PJA2: variants seen among roughly 807,000 people sequenced by gnomAD.
PJA2 encodes praja ring finger ubiquitin ligase 2.
A neutral mutation model predicts 69.3 loss-of-function variants in PJA2; 25 were observed. The ratio of observed to expected loss-of-function variants is 0.36; its 90% CI spans 0.26 to 0.50. PJA2 has a LOEUF of 0.50. Among genes scored for constraint, PJA2 ranks in the 20% least tolerant of loss-of-function variants. The probability of loss-of-function intolerance (pLI) is 0.96; values close to 1 mark genes in which losing one functional copy is unlikely to be tolerated. For missense variants in PJA2, 809 were observed against 830.2 expected (o/e 0.97, Z 0.31); for synonymous variants, 308 against 277.8 (o/e 1.11, Z -1.08).
chr5:109,345,379 T>C lies in PJA2; in HGVS notation c.1765-560A>G, dbSNP rs574881265. 2.7e-5 allele frequency among the ~76,000 whole-genome samples: 4 copies of C among 149,818 alleles called. No individual in the cohort carries two copies. The East Asian group carries it at 7.9e-4, about 29-fold the overall frequency. ...CTCAAAAAAAAAAAAAAGCAGGTCG[T>C]GGTAGTGTGTGCCTATAATCCCAGC... On this transcript the variant is annotated intron_variant, in intron 7 of 9. Coordinates refer to ENST00000361189, the MANE Select transcript of PJA2 (RefSeq NM_014819.5).
rs145633251 is a variant in PJA2 at position 109,368,635 on chromosome 5, A to T, written c.1395T>A (p.Asp465Glu). Residue 465 changes from aspartate to glutamate, a missense_variant, in exon 5 of 10, where the codon GAT becomes GAA. By Grantham distance (45) the Asp-to-Glu change is conservative. This residue lies in a region of PJA2 where 700 missense variants were observed against 639.5 expected (regional missense o/e 1.09). Transcript: ENST00000361189. ...CACTTTGTAGCTCAGGTTCATTCTC[A>T]TCTTTTCCTGGCAGAGTCTCCCAGC... ...DESWETLPGK[D>E]ENEPELQSDS... 3.3e-4 allele frequency: 529 copies of T among 1,613,954 alleles called. No individual in the cohort carries two copies. The highest frequency in any genetic ancestry group is 4.2e-4 in the Non-Finnish European group (496 of 1,180,006).
At chr5:109,351,686 T>C (rs1404911794) in intron 7 of PJA2, among the ~76,000 whole-genome samples, 1 of 151,978 alleles carries the variant, frequency 6.6e-6, no homozygotes, top group Non-Finnish European at 1.5e-5. Flanking sequence ...AGGAGACAAA[T>C]ACATACTGCC....
chr5:109,344,059 T>C (rs1169893242), intron 9 of PJA2, 131 bp downstream of exon 9: 1 of 597,390 alleles, frequency 1.7e-6, no homozygotes, highest in Non-Finnish European at 2.6e-6. Flanking sequence ...ATCGAACCAC[T>C]GCACTCCAGC....
At chr5:109,396,338 G>A (rs1262450180) in intron 1 of PJA2, among the ~76,000 whole-genome samples, 3 of 151,342 alleles carry the variant, frequency 2.0e-5, no homozygotes, top group East Asian at 1.9e-4. Flanking sequence ...CAAAAGGTAC[G>A]GCAAAATTAT....
rs181225175 is a variant in PJA2 at position 109,389,765 on chromosome 5, G to A, written c.-87-6245C>T. Among the ~76,000 whole-genome samples, 7 of 151,952 alleles carry A rather than the reference G, an allele frequency of 4.6e-5. No individual in the cohort carries two copies. In the East Asian group the frequency reaches 9.6e-4, roughly 21 times the overall value. On this transcript the variant is annotated intron_variant, in intron 1 of 9. Transcript: ENST00000361189. ...AAAGTTACCTCTAAGCATTGCTTCA[G>A]CTGTATTCCAAAAGTTCTGATACGT...
At chr5:109,340,468 C>T (rs1039334128) in intron 9 of PJA2, among the ~76,000 whole-genome samples, 15 of 151,582 alleles carry the variant, frequency 9.9e-5, no homozygotes, top group African/African-American at 3.6e-4. Context: ...GAGTTGTATT[C>T]CTAAGTAGAT....
chr5:109,405,518 T>C (rs924459410), intron 1 of PJA2, among the ~76,000 whole-genome samples: 4 of 152,114 alleles, frequency 2.6e-5, no homozygotes, highest in Non-Finnish European at 4.4e-5. Flanking sequence ...TACTTATAAG[T>C]AAAAATAACC....
intron 1 of PJA2, among the ~76,000 whole-genome samples, chr5:109,401,373 T>A (rs547715052): frequency 6.6e-6 from 1 of 152,098 alleles, no homozygotes. Flanking sequence ...GGTGGGAGAA[T>A]TGCTTGAGTC....
chr5:109,342,049 T>G (rs1351770018), intron 9 of PJA2, among the ~76,000 whole-genome samples: 2 of 100,980 alleles, frequency 2.0e-5, no homozygotes, highest in Admixed American at 9.4e-5. Flanking sequence ...GGGAGGGAGG[T>G]GGGGGGGTCA....
chr5:109,354,448 T>A lies in PJA2; in HGVS notation c.1764+1467A>T. Among the ~76,000 whole-genome samples, 2 of 135,680 alleles carry A rather than the reference T, an allele frequency of 1.5e-5. 1 individual carries two copies. Among genetic ancestry groups the A allele is most frequent in the Non-Finnish European group, 3.2e-5 (2 of 62,490 alleles). The allele number at this position is 135,680 out of a possible 152,430, so 89.0% of individuals were successfully genotyped here. ...TATGATATCTAGAGATGTCTATAGA[T>A]TAGATATCTATGATATCTAGAGATA... On this transcript the variant is annotated intron_variant, in intron 7 of 9. Transcript: ENST00000361189.
At chr5:109,390,830 T>C (rs940103738) in intron 1 of PJA2, 7 of 152,190 alleles carry the variant, frequency 4.6e-5, no homozygotes, top group African/African-American at 1.7e-4. Flanking sequence ...AACTTACCTT[T>C]CTCTAATGAG....
chr5:109,394,566 T>C (rs919665950), intron 1 of PJA2, among the ~76,000 whole-genome samples: 1 of 152,274 alleles, frequency 6.6e-6, no homozygotes, highest in Non-Finnish European at 1.5e-5. Flanking sequence ...CACACACTTG[T>C]GCTCCTTTTG....
intron 1 of PJA2, among the ~76,000 whole-genome samples, chr5:109,391,804 A>G (rs1044610402): frequency 1.3e-5 from 2 of 152,222 alleles, no homozygotes; most frequent in Non-Finnish European, 2.9e-5. Flanking sequence ...ATGTATTATC[A>G]CATTCCAACA....
intron 4 of PJA2, among the ~76,000 whole-genome samples, chr5:109,375,718 C>T (rs1746851147): frequency 1.3e-5 from 2 of 152,096 alleles, no homozygotes; most frequent in South Asian, 4.1e-4. Flanking sequence ...AGAAGACTAG[C>T]ATCACCATCT....
At chr5:109,342,557 C>A (rs1455445272) in intron 9 of PJA2, among the ~76,000 whole-genome samples, 1 of 109,368 alleles carries the variant, frequency 9.1e-6, no homozygotes, top group Non-Finnish European at 1.9e-5. Context: ...GCCAGCCGCC[C>A]CGTCCGGGAG....
intron 3 of PJA2, among the ~76,000 whole-genome samples, chr5:109,381,170 AT>A (rs1459684590): frequency 1.3e-5 from 2 of 152,088 alleles, no homozygotes; most frequent in Non-Finnish European, 2.9e-5. Context: ...CAGGGAAAAA[AT>A]ATCTCTACTT....
rs1747515142 is a variant in PJA2 at position 109,400,485 on chromosome 5, G to GA, written c.-88+9356dup. Among the ~76,000 whole-genome samples the GA allele has an allele frequency of 8.4e-5, 12 of 142,586 alleles. No homozygotes were observed. The South Asian group carries it at 2.8e-3, about 33-fold the overall frequency. 93.5% of individuals were successfully genotyped at this position (142,586 alleles called of 152,430 possible). On this transcript the variant is annotated intron_variant, in intron 1 of 9. Transcript: ENST00000361189. Reference sequence around the variant, plus strand: ...CAAAAAGAGAGCAAACCAGCAGGGGGAGGGGGGGGAAGGGCGGGGGGGTGT... The same window carrying GA: ...CAAAAAGAGAGCAAACCAGCAGGGGGAAGGGGGGGGAAGGGCGGGGGGGTGT...
At position 109,378,792 on chromosome 5, in the gene PJA2, T is replaced by A. The variant is rs1213238340; in HGVS notation, c.695A>T (p.Glu232Val). Residue 232 changes from glutamate (E) to valine (V), a missense_variant, in exon 4 of 10, where the codon GAG becomes GTG. By Grantham distance (121) the Glu-to-Val change is moderately radical (BLOSUM62 -2). This residue lies in a region of PJA2 where 700 missense variants were observed against 639.5 expected (regional missense o/e 1.09). Coordinates refer to ENST00000361189, the MANE Select transcript of PJA2 (RefSeq NM_014819.5). ...TTTCACTAATGGTACAGAATCTAAC[T>A]CTTCAAACTCATCTCTTACTTCACA... ...FNCEVRDEFE[E>V]LDSVPLVKSS... 1 of 1,612,712 alleles carries A rather than the reference T, an allele frequency of 6.2e-7. No individual in the cohort carries two copies. Among genetic ancestry groups the A allele is most frequent in the Non-Finnish European group, 8.5e-7 (1 of 1,180,012 alleles).
chr5:109,344,726 G>C lies in PJA2; in HGVS notation c.1858C>G (p.Leu620Val). The change falls in exon 8 of 10, where the codon CTT becomes GTT. Residue 620 changes from leucine (L) to valine (V), a missense_variant. Physicochemically the swap from Leu to Val is conservative, Grantham distance 32. This residue lies in a region of PJA2 where 55 missense variants were observed against 90.7 expected (regional missense o/e 0.61). Coordinates refer to ENST00000361189, the MANE Select transcript of PJA2 (RefSeq NM_014819.5). ...KESIDGLPET[L>V]VLEDHTAIGQ... is the part of the protein sequence containing the mutation. ...TTACCAGTGTGATCTTCAAGAACAA[G>C]GGTCTCTGGAAGACCATCAATGCTT... 1 of 1,613,234 alleles carries C rather than the reference G, an allele frequency of 6.2e-7. No homozygotes were observed. Among genetic ancestry groups the C allele is most frequent in the Non-Finnish European group, 8.5e-7 (1 of 1,179,418 alleles).
Sources: allele counts gnomAD v4.1 joint callset (sites outside exome capture counted in the v4.1 genomes callset), GRCh38; gene constraint gnomAD v4.1.1; regional missense constraint gnomAD v4.1.1; transcripts MANE v1.5; gene names NCBI Gene and HGNC (gene_info 2026-07-23, HGNC 2026-07-21).